Variants in GAREM1 observed in about 807,000 individuals in gnomAD.
GAREM1 encodes the protein GRB2-associated and regulator of MAPK protein 1.
A neutral mutation model predicts 71.3 loss-of-function variants in GAREM1; 26 were observed. The observed-to-expected ratio is 0.36, with a 90% confidence interval of 0.27 to 0.51. The LOEUF is 0.51. Among genes scored for constraint, GAREM1 ranks in the 20% least tolerant of loss-of-function variants. GAREM1 has a pLI of 0.95. For missense variants in GAREM1, 1,026 were observed against 1,103.1 expected (o/e 0.93, Z 0.99); for synonymous variants, 440 against 433.2 (o/e 1.02, Z -0.20).
At chr18:32,431,201 C>G (rs1312113839) in intron 1 of GAREM1, among the ~76,000 whole-genome samples, 2 of 151,868 alleles carry the variant, frequency 1.3e-5, no homozygotes, top group African/African-American at 4.8e-5. Flanking sequence ...AGAAATTACC[C>G]AATATGAAAA....
intron 1 of GAREM1, among the ~76,000 whole-genome samples, chr18:32,407,613 T>C (rs2048376931): frequency 6.6e-6 from 1 of 152,192 alleles, no homozygotes; most frequent in Non-Finnish European, 1.5e-5. Context: ...TGAACATAAG[T>C]GGCAACCAAG....
At chr18:32,329,919 C>T (rs2047515136) in intron 2 of GAREM1, among the ~76,000 whole-genome samples, 2 of 151,932 alleles carry the variant, frequency 1.3e-5, no homozygotes, top group Non-Finnish European at 2.9e-5. Context: ...ACAAGAGTGT[C>T]GGGGGAATGC....
intron 4 of GAREM1, among the ~76,000 whole-genome samples, chr18:32,283,416 G>A (rs1055913225): frequency 3.3e-5 from 5 of 151,958 alleles, no homozygotes; most frequent in Admixed American, 1.3e-4. Flanking sequence ...ATGTGGTAGC[G>A]CATGCCTGTA....
At chr18:32,373,868 T>C (rs2048009821) in intron 2 of GAREM1, among the ~76,000 whole-genome samples, 1 of 152,248 alleles carries the variant, frequency 6.6e-6, no homozygotes, top group South Asian at 2.1e-4. Flanking sequence ...AAACAATAGA[T>C]GAGAATTCCT....
chr18:32,348,660 G>A (rs1186822327), intron 2 of GAREM1, among the ~76,000 whole-genome samples: 1 of 152,252 alleles, frequency 6.6e-6, no homozygotes, highest in Non-Finnish European at 1.5e-5. Flanking sequence ...GGAGGCAGAC[G>A]TTTCAGTGAG....
chr18:32,384,912 CTCTA>C (rs1300432315), intron 2 of GAREM1, among the ~76,000 whole-genome samples: 1 of 152,056 alleles, frequency 6.6e-6, no homozygotes, highest in Non-Finnish European at 1.5e-5. Flanking sequence ...TACATTTACC[CTCTA>C]TCTGACCACA....
chr18:32,462,124 T>A (rs929886754), intron 1 of GAREM1, among the ~76,000 whole-genome samples: 6 of 152,252 alleles, frequency 3.9e-5, no homozygotes, highest in Non-Finnish European at 8.8e-5. Context: ...TTCCTTTGGA[T>A]ATACACCTAG....
At position 32,308,898 on chromosome 18, in the gene GAREM1, C is replaced by T. The variant is rs1041106897; in HGVS notation, c.393+1295G>A. 2.0e-5 allele frequency among the ~76,000 whole-genome samples: 3 copies of T among 149,982 alleles called. 1 individual carries two copies. The highest frequency in any genetic ancestry group is 4.3e-4 in the South Asian group (2 of 4,682). On this transcript the variant is annotated intron_variant, in intron 3 of 5. Coordinates refer to ENST00000269209, the MANE Select transcript of GAREM1 (RefSeq NM_001242409.2). ...GCTTAGACAATGAAATGGGCAGAAC[C>T]GTTTCTCCAATAAGGGGCTGTCCTA... is the stretch of plus-strand genomic sequence containing the variant.
chr18:32,321,595 T>C (rs2047429435), intron 2 of GAREM1, among the ~76,000 whole-genome samples: 1 of 152,168 alleles, frequency 6.6e-6, no homozygotes, highest in South Asian at 2.1e-4. Flanking sequence ...AATATCAAAA[T>C]ATGCAAAACT....
intron 4 of GAREM1, among the ~76,000 whole-genome samples, chr18:32,278,992 ACT>A (rs1284352157): frequency 6.6e-6 from 1 of 152,110 alleles, no homozygotes; most frequent in African/African-American, 2.4e-5. Flanking sequence ...GCAGCCACTT[ACT>A]CAGTGGCAGG....
chr18:32,302,646 G>T (rs115837428), intron 3 of GAREM1, among the ~76,000 whole-genome samples: 1 of 152,102 alleles, frequency 6.6e-6, no homozygotes, highest in Non-Finnish European at 1.5e-5. Flanking sequence ...ATTTATATAT[G>T]GAAACTAAAA....
At chr18:32,286,361 T>A (rs1410573099) in intron 4 of GAREM1, among the ~76,000 whole-genome samples, 1 of 151,162 alleles carries the variant, frequency 6.6e-6, no homozygotes, top group Non-Finnish European at 1.5e-5. Flanking sequence ...TGTGTGTGTA[T>A]AATACATTAG....
intron 2 of GAREM1, among the ~76,000 whole-genome samples, chr18:32,317,008 T>C (rs1754091704): frequency 6.6e-6 from 1 of 152,172 alleles, no homozygotes; most frequent in Admixed American, 6.5e-5. Flanking sequence ...GCAGCTGTGC[T>C]CCAGAAAACT....
chr18:32,346,320 T>G (rs140061126), intron 2 of GAREM1, among the ~76,000 whole-genome samples: 129 of 152,290 alleles, frequency 8.5e-4, no homozygotes, highest in African/African-American at 3.0e-3. Flanking sequence ...ATTTTAAATG[T>G]AATAAATACA....
intron 1 of GAREM1, among the ~76,000 whole-genome samples, chr18:32,441,615 A>G (rs2048738509): frequency 6.6e-6 from 1 of 152,188 alleles, no homozygotes; most frequent in South Asian, 2.1e-4. Context: ...TTAAACATAC[A>G]GAAGCCTTCT....
intron 3 of GAREM1, among the ~76,000 whole-genome samples, chr18:32,304,736 C>A (rs2047235054): frequency 6.6e-6 from 1 of 152,168 alleles, no homozygotes; most frequent in African/African-American, 2.4e-5. Flanking sequence ...ACTGTGGGCT[C>A]AGGTCTTGTG....
chr18:32,455,571 G>A (rs2048879511), intron 1 of GAREM1, among the ~76,000 whole-genome samples: 1 of 152,088 alleles, frequency 6.6e-6, no homozygotes, highest in Non-Finnish European at 1.5e-5. Flanking sequence ...ATTCTTCCCT[G>A]GAGAAAACTT....
At chr18:32,305,392 A>G (rs933459628) in intron 3 of GAREM1, among the ~76,000 whole-genome samples, 1 of 152,218 alleles carries the variant, frequency 6.6e-6, no homozygotes, top group African/African-American at 2.4e-5. Context: ...TTAAATTTCA[A>G]GAGTTTTACA....
At chr18:32,324,857 G>A (rs971654027) in intron 2 of GAREM1, among the ~76,000 whole-genome samples, 2 of 152,192 alleles carry the variant, frequency 1.3e-5, no homozygotes. Flanking sequence ...ATTATACCAT[G>A]TATGACATTT....
Sources: allele counts gnomAD v4.1 joint callset (sites outside exome capture counted in the v4.1 genomes callset), GRCh38; gene constraint gnomAD v4.1.1; transcripts MANE v1.5; gene names NCBI Gene and HGNC (gene_info 2026-07-23, HGNC 2026-07-21).